SGSM1: variants seen among roughly 807,000 people sequenced by gnomAD.
The protein encoded by SGSM1 is small G protein signaling modulator 1, also known as RUN and TBC1 domain containing 2.
A neutral mutation model predicts 133.8 loss-of-function variants in SGSM1; 73 were observed. The observed-to-expected ratio is 0.55, with a 90% CI of 0.45 to 0.66. The LOEUF is 0.66. Among genes scored for constraint, SGSM1 ranks in the 30% least tolerant of loss-of-function variants. The pLI is 0.00. For missense variants in SGSM1, 1,213 were observed against 1,448.1 expected (o/e 0.84, Z 2.64); for synonymous variants, 563 against 573.0 (o/e 0.98, Z 0.25).
rs1569183733 is a variant in SGSM1, at chr22:24,926,605, T to G, written c.*2331T>G. On this transcript the variant is annotated 3_prime_UTR_variant, in exon 25 of 25. Coordinates refer to ENST00000400358, the MANE Select transcript of SGSM1 (RefSeq NM_001098497.3). ...AAAATCTCTTCTCTGCCTTCTCTTG[T>G]GATGTTCCAGAGAGCATCTGTGGTT... 6.6e-6 allele frequency: 1 copy of G among 152,218 alleles called. No homozygotes were observed. Among genetic ancestry groups the G allele is most frequent in the Non-Finnish European group, 1.5e-5 (1 of 68,052 alleles). 9.4% of individuals were successfully genotyped at this position (152,218 alleles called of 1,614,324 possible). A position where few individuals can be genotyped will look rare whatever the true frequency, so the allele number is the denominator to read the frequency against.
At chr22:24,852,085 CT>C (rs1209195256) in intron 5 of SGSM1, among the ~76,000 whole-genome samples, 1 of 152,100 alleles carries the variant, frequency 6.6e-6, no homozygotes, top group Non-Finnish European at 1.5e-5. Flanking sequence ...TCCATTTCAA[CT>C]TTTTATTTTT....
intron 2 of SGSM1, 62 bp downstream of exon 2, chr22:24,806,546 A>G (rs552961633): frequency 1.4e-6 from 2 of 1,476,332 alleles, no homozygotes; most frequent in South Asian, 1.3e-5. Flanking sequence ...AAACGGGAAA[A>G]GAGTCTTCGT....
chr22:24,817,476 C>G (rs9680840), intron 2 of SGSM1, among the ~76,000 whole-genome samples: 43,123 of 151,906 alleles, frequency 0.28, 6,762 homozygotes, highest in East Asian at 0.59. Context: ...CCTCAGCCTC[C>G]TAAGTAGCTG....
At chr22:24,913,828 C>G (rs555194707) in intron 22 of SGSM1, among the ~76,000 whole-genome samples, 1 of 148,900 alleles carries the variant, frequency 6.7e-6, no homozygotes, top group African/African-American at 2.5e-5. Flanking sequence ...GAGACCAGCC[C>G]GGCCAACATG....
chr22:24,806,630 C>G, intron 2 of SGSM1, 146 bp downstream of exon 2: 2 of 980,198 alleles, frequency 2.0e-6, no homozygotes, highest in Non-Finnish European at 2.8e-6. Flanking sequence ...ATTGACCTCC[C>G]GCAGGGCAGG....
chr22:24,844,917 G>A lies in SGSM1; in HGVS notation c.84G>A (p.Glu28=), dbSNP rs1466003742. ...VKKEVKQIME[E]AVTRKFVHED... ...TCCAGGTGAAGCAGATCATGGAGGA[G>A]GCTGTGACACGCAAGTTTGTCCACG... Residue 28 remains glutamate (E), a synonymous_variant, in exon 3 of 25, where the codon GAG becomes GAA. Coordinates refer to ENST00000400358, the MANE Select transcript of SGSM1 (RefSeq NM_001098497.3). 5.6e-6 allele frequency: 9 copies of A among 1,613,694 alleles called. No homozygotes were observed. The highest frequency in any genetic ancestry group is 7.6e-6 in the Non-Finnish European group (9 of 1,179,878).
chr22:24,908,044 G>C (rs11913911), intron 21 of SGSM1, among the ~76,000 whole-genome samples: 17,261 of 151,796 alleles, frequency 0.11, 1,237 homozygotes, highest in African/African-American at 0.19. Context: ...AGAATTGAGA[G>C]CCCATAAGTA....
intron 14 of SGSM1, among the ~76,000 whole-genome samples, chr22:24,881,040 A>G (rs12628763): frequency 6.6e-6 from 1 of 151,934 alleles, no homozygotes; most frequent in East Asian, 1.9e-4. Context: ...AAAATACAAA[A>G]AAATTGGCCG....
At chr22:24,840,092 G>A (rs1452460480) in intron 2 of SGSM1, among the ~76,000 whole-genome samples, 5 of 151,672 alleles carry the variant, frequency 3.3e-5, no homozygotes, top group South Asian at 2.1e-4. Context: ...ACAGGTGCCC[G>A]CCACTATGCC....
chr22:24,858,961 G>A (rs76944057), intron 8 of SGSM1, among the ~76,000 whole-genome samples: 4,941 of 152,350 alleles, frequency 0.032, 112 homozygotes, highest in Non-Finnish European at 0.048. Context: ...TAGAAGACCT[G>A]CACCCATTTC....
intron 3 of SGSM1, among the ~76,000 whole-genome samples, chr22:24,846,717 C>T (rs2147838135): frequency 6.6e-6 from 1 of 152,128 alleles, no homozygotes; most frequent in South Asian, 2.1e-4. Context: ...ACTTACATCG[C>T]CATAAGCAAA....
intron 5 of SGSM1, among the ~76,000 whole-genome samples, chr22:24,852,202 A>C (rs2147847979): frequency 1.3e-5 from 2 of 152,348 alleles, no homozygotes; most frequent in East Asian, 3.9e-4. Context: ...AAAACCAGGA[A>C]ATTGACATTG....
At chr22:24,900,379 CTT>C (rs1242123038) in intron 19 of SGSM1, among the ~76,000 whole-genome samples, 1 of 71,830 alleles carries the variant, frequency 1.4e-5, no homozygotes, top group Admixed American at 1.4e-4. Flanking sequence ...TTCTTTCTTT[CTT>C]TCTTTCTTTC....
intron 2 of SGSM1, among the ~76,000 whole-genome samples, chr22:24,834,335 A>T (rs534659884): frequency 6.6e-6 from 1 of 152,330 alleles, no homozygotes; most frequent in East Asian, 1.9e-4. Flanking sequence ...GGAGCCAAAC[A>T]TTCTTGTGCA....
intron 13 of SGSM1, among the ~76,000 whole-genome samples, chr22:24,877,041 A>G (rs1202685857): frequency 6.6e-6 from 1 of 152,194 alleles, no homozygotes; most frequent in Non-Finnish European, 1.5e-5. Flanking sequence ...GTGATGGAGC[A>G]GCTACCATCT....
At position 24,892,811 on chromosome 22, in the gene SGSM1, G is replaced by A. The variant is rs1232895512; in HGVS notation, c.1771-620G>A. Reference sequence around the variant, plus strand: ...CACCTGTAATCCCAGCACTTTGGGAGGCTGAGGCGGGCGGATCACGAGGTC... The same window carrying A: ...CACCTGTAATCCCAGCACTTTGGGAAGCTGAGGCGGGCGGATCACGAGGTC... On this transcript the variant is annotated intron_variant, in intron 16 of 24. Coordinates refer to ENST00000400358, the MANE Select transcript of SGSM1 (RefSeq NM_001098497.3). Among the ~76,000 whole-genome samples the A allele has an allele frequency of 3.3e-5, 5 of 151,066 alleles. No homozygotes were observed. In the East Asian group the frequency reaches 9.7e-4, roughly 29 times the overall value.
intron 2 of SGSM1, among the ~76,000 whole-genome samples, chr22:24,826,626 G>A (rs1928814856): frequency 2.0e-5 from 3 of 152,208 alleles, no homozygotes; most frequent in Admixed American, 6.5e-5. Flanking sequence ...GATGTATAAA[G>A]AGAGGTCAAG....
chr22:24,852,532 G>A lies in SGSM1; in HGVS notation c.455+2100G>A, dbSNP rs528013291. ...AATCTTGACTCACTGCAACCTCTGCGTCCCGTGTTCAAGCGATTCTCATGC... is the reference window on the plus strand; with the variant it reads ...AATCTTGACTCACTGCAACCTCTGCATCCCGTGTTCAAGCGATTCTCATGC... On this transcript the variant is annotated intron_variant, in intron 5 of 24. Transcript: ENST00000400358. Among the ~76,000 whole-genome samples the A allele has an allele frequency of 1.8e-4, 27 of 152,144 alleles. No homozygotes were observed. In the South Asian group the frequency reaches 1.9e-3, roughly 11 times the overall value.
chr22:24,878,517 C>T (rs1932148765), intron 13 of SGSM1, among the ~76,000 whole-genome samples: 2 of 152,190 alleles, frequency 1.3e-5, no homozygotes, highest in Non-Finnish European at 2.9e-5. Flanking sequence ...TGGAGGACTT[C>T]AGCTATGCTC....
Sources: gnomAD v4.1 joint callset for allele counts (sites outside exome capture counted in the v4.1 genomes callset) on GRCh38, gnomAD v4.1.1 for gene constraint, MANE v1.5 for transcripts, NCBI Gene and HGNC (gene_info 2026-07-23, HGNC 2026-07-21) for gene names.